CNTLN: variants seen among roughly 807,000 people sequenced by gnomAD.
CNTLN encodes the protein centlein, centrosomal protein.
CNTLN carries 212 observed loss-of-function variants against 180.0 expected under a neutral mutation model. The observed-to-expected ratio is 1.18, with a 90% CI of 1.05 to 1.32. CNTLN has a LOEUF of 1.32. CNTLN is among the 40% of genes most tolerant of loss of function. CNTLN has a pLI of 0.00. For synonymous variants in CNTLN, 722 were observed against 563.1 expected, an observed-to-expected ratio of 1.28 and a Z score of -3.99; for missense variants, 2,095 against 1,610.9, an observed-to-expected ratio of 1.30 and a Z score of -5.14.
At chr9:17,161,736 A>G (rs186138999) in intron 2 of CNTLN, among the ~76,000 whole-genome samples, 10 of 152,332 alleles carry the variant, frequency 6.6e-5, no homozygotes, top group African/African-American at 1.2e-4. Context: ...AATTTTGTAG[A>G]CTTATCCAAC....
chr9:17,471,029 C>G (rs955173903), intron 23 of CNTLN, among the ~76,000 whole-genome samples: 2 of 151,754 alleles, frequency 1.3e-5, no homozygotes, highest in African/African-American at 4.8e-5. Flanking sequence ...CTCTTTTCAC[C>G]CTGTCATTAT....
chr9:17,265,448 T>G (rs1205772342), intron 5 of CNTLN, among the ~76,000 whole-genome samples: 1 of 152,158 alleles, frequency 6.6e-6, no homozygotes, highest in Admixed American at 6.5e-5. Flanking sequence ...TTTGCCAGTA[T>G]TTTATTGAGG....
At chr9:17,233,103 G>A (rs941781140) in intron 3 of CNTLN, among the ~76,000 whole-genome samples, 3 of 152,024 alleles carry the variant, frequency 2.0e-5, no homozygotes, top group African/African-American at 7.2e-5. Context: ...CTCTTGAAAT[G>A]CAAATAGTCT....
In CNTLN at chr9:17,406,806, A is replaced by C. The variant is rs73410588; in HGVS notation, c.2616-2487A>C. ...AATAATGAATGAATAAAGAATTATA[A>C]AGAGAAGGAAGCACTCTGCCCCATC... is the stretch of plus-strand genomic sequence containing the variant. On this transcript the variant is annotated intron_variant, in intron 15 of 25. Coordinates refer to ENST00000380647, the MANE Select transcript of CNTLN (RefSeq NM_017738.4). 8.7e-3 allele frequency among the ~76,000 whole-genome samples: 1,325 copies of C among 151,830 alleles called. 48 individuals carry two copies. Among genetic ancestry groups the C allele is most frequent in the African/African-American group, 0.03 (1,223 of 41,174 alleles).
rs374099733 is a variant in CNTLN at position 17,401,310 on chromosome 9, T to C, written c.2615+6241T>C. 7.4e-4 allele frequency among the ~76,000 whole-genome samples: 112 copies of C among 152,280 alleles called. 1 individual carries two copies. The South Asian group carries it at 0.022, about 30-fold the overall frequency. On this transcript the variant is annotated intron_variant, in intron 15 of 25. Coordinates refer to ENST00000380647, the MANE Select transcript of CNTLN (RefSeq NM_017738.4). ...GTGAACAAATACATTTCTTGAATCA[T>C]TAAATAATATTCATTGTCTGACTAC...
At chr9:17,210,136 C>T (rs1468418571) in intron 2 of CNTLN, among the ~76,000 whole-genome samples, 2 of 152,080 alleles carry the variant, frequency 1.3e-5, no homozygotes, top group Non-Finnish European at 2.9e-5. Flanking sequence ...CATATGTATA[C>T]ATGTGCCATG....
intron 3 of CNTLN, among the ~76,000 whole-genome samples, chr9:17,229,834 A>C (rs567190437): frequency 1.4e-4 from 21 of 152,258 alleles, no homozygotes; most frequent in African/African-American, 5.1e-4. Context: ...ATCTGGCTAG[A>C]TATTAGGCTG....
intron 2 of CNTLN, among the ~76,000 whole-genome samples, chr9:17,188,047 G>GTA (rs1274528945): frequency 6.8e-5 from 10 of 148,110 alleles, no homozygotes; most frequent in East Asian, 2.0e-4. Flanking sequence ...GCATATTTAT[G>GTA]TATATATATA....
intron 6 of CNTLN, among the ~76,000 whole-genome samples, chr9:17,294,807 G>A (rs1254623990): frequency 3.5e-5 from 1 of 28,812 alleles, no homozygotes; most frequent in Admixed American, 2.5e-4. Context: ...AGGGTGGGGG[G>A]GAGTGGGCGA....
intron 25 of CNTLN, among the ~76,000 whole-genome samples, chr9:17,489,845 C>T (rs74487288): frequency 0.012 from 1,850 of 152,088 alleles, 30 homozygotes; most frequent in African/African-American, 0.042. Flanking sequence ...GTCTTTGTCC[C>T]CAGAGATTTC....
chr9:17,354,171 G>T (rs113743173), intron 12 of CNTLN, among the ~76,000 whole-genome samples: 5 of 152,164 alleles, frequency 3.3e-5, no homozygotes, highest in Admixed American at 2.6e-4. Flanking sequence ...GTGCCTTCCC[G>T]CCGGGCAGGG....
chr9:17,264,378 G>T (rs1180686900), intron 5 of CNTLN, among the ~76,000 whole-genome samples: 1 of 151,352 alleles, frequency 6.6e-6, no homozygotes, highest in East Asian at 2.0e-4. Flanking sequence ...ATTTCTGAGG[G>T]CTCTGTTCTG....
At chr9:17,145,748 C>T (rs146028477) in intron 2 of CNTLN, among the ~76,000 whole-genome samples, 1 of 152,156 alleles carries the variant, frequency 6.6e-6, no homozygotes, top group Non-Finnish European at 1.5e-5. Flanking sequence ...CGTTGTACAG[C>T]TGAACTTATT....
intron 20 of CNTLN, 141 bp from the exon 21 acceptor site, chr9:17,464,356 A>G: frequency 1.6e-6 from 1 of 625,976 alleles, no homozygotes. Flanking sequence ...TATGCAGTGC[A>G]ATTCATTTTA....
chr9:17,288,011 G>T (rs1829102918), intron 6 of CNTLN, among the ~76,000 whole-genome samples: 1 of 138,522 alleles, frequency 7.2e-6, no homozygotes, highest in Non-Finnish European at 1.5e-5. Flanking sequence ...GTTTCCTTCA[G>T]TTCTGCTCTG....
chr9:17,312,801 G>C (rs1427067838), intron 8 of CNTLN, among the ~76,000 whole-genome samples: 1 of 152,178 alleles, frequency 6.6e-6, no homozygotes, highest in East Asian at 1.9e-4. Context: ...TGCAACTACT[G>C]GGCAGAGTGC....
intron 15 of CNTLN, among the ~76,000 whole-genome samples, chr9:17,404,356 G>A (rs1055874598): frequency 4.0e-5 from 6 of 151,668 alleles, no homozygotes; most frequent in African/African-American, 1.5e-4. Flanking sequence ...ACCCACTGGA[G>A]GAGTTTTTGC....
At chr9:17,393,268 C>A (rs1479400628) in intron 14 of CNTLN, among the ~76,000 whole-genome samples, 1 of 152,132 alleles carries the variant, frequency 6.6e-6, no homozygotes, top group Non-Finnish European at 1.5e-5. Context: ...AACTAGTGAA[C>A]AGGTTTCAAC....
chr9:17,498,050 A>T (rs1833550771), intron 25 of CNTLN, among the ~76,000 whole-genome samples: 1 of 152,138 alleles, frequency 6.6e-6, no homozygotes, highest in Non-Finnish European at 1.5e-5. Context: ...CTCTAGATAA[A>T]AGTCACATTT....
Sources: allele counts gnomAD v4.1 joint callset (sites outside exome capture counted in the v4.1 genomes callset), GRCh38; gene constraint gnomAD v4.1.1; transcripts MANE v1.5; gene names NCBI Gene and HGNC (gene_info 2026-07-23, HGNC 2026-07-21).